The following LSAMP variants were observed in gnomAD, a reference collection of about 807,000 sequenced individuals.
LSAMP encodes the protein limbic system associated membrane protein.
Under a neutral mutation model 38.6 loss-of-function variants are expected in LSAMP, and 7 were observed. That is an observed-to-expected ratio of 0.18 (90% CI 0.10 to 0.34). LSAMP has a LOEUF of 0.34. Among genes scored for constraint, LSAMP ranks in the 10% least tolerant of loss-of-function variants. LSAMP has a pLI of 1.00. For missense variants in LSAMP, 313 were observed against 420.0 expected (o/e 0.75, Z 2.23); for synonymous variants, 154 against 166.8 (o/e 0.92, Z 0.59).
chr3:115,909,405 T>A (rs542751906), intron 3 of LSAMP, among the ~76,000 whole-genome samples: 1 of 152,224 alleles, frequency 6.6e-6, no homozygotes, highest in Admixed American at 6.5e-5. Flanking sequence ...GAGCTCCAAA[T>A]GAATGGCAAA....
At chr3:116,309,497 A>G (rs1276378693) in intron 1 of LSAMP, among the ~76,000 whole-genome samples, 1 of 152,098 alleles carries the variant, frequency 6.6e-6, no homozygotes, top group Non-Finnish European at 1.5e-5. Context: ...AAATAGCTAC[A>G]TTTGGCTAGT....
At position 115,999,410 on chromosome 3, in the gene LSAMP, G is replaced by C. The variant is rs190720456; in HGVS notation, c.514+20105C>G. 1.9e-4 allele frequency among the ~76,000 whole-genome samples: 29 copies of C among 152,200 alleles called. 1 individual carries two copies. The East Asian group carries it at 4.1e-3, about 21-fold the overall frequency. ...AATTCTCTTCTCCTCAAAACCTAAAGCACAAAATAGCTACTGTCCTTTCTG... is the reference window on the plus strand; with the variant it reads ...AATTCTCTTCTCCTCAAAACCTAAACCACAAAATAGCTACTGTCCTTTCTG... On this transcript the variant is annotated intron_variant, in intron 3 of 6. Coordinates refer to ENST00000490035, the MANE Select transcript of LSAMP (RefSeq NM_002338.5).
intron 1 of LSAMP, among the ~76,000 whole-genome samples, chr3:116,105,130 A>G (rs1183894235): frequency 6.6e-6 from 1 of 152,060 alleles, no homozygotes; most frequent in African/African-American, 2.4e-5. Flanking sequence ...GAAGGCATTC[A>G]TAGAACTCTT....
chr3:116,246,104 C>T lies in LSAMP; in HGVS notation c.156-159548G>A, dbSNP rs146915358. 1.7e-3 allele frequency among the ~76,000 whole-genome samples: 264 copies of T among 152,220 alleles called. 1 individual carries two copies. The highest frequency in any genetic ancestry group is 6.1e-3 in the African/African-American group (254 of 41,528). On this transcript the variant is annotated intron_variant, in intron 1 of 6. Transcript: ENST00000490035. Reference sequence around the variant, plus strand: ...CAAATAGGTCCGACCTGCTTAAAACCGCCAATTAATGAGTAGTAGAACCTT... The same window carrying T: ...CAAATAGGTCCGACCTGCTTAAAACTGCCAATTAATGAGTAGTAGAACCTT...
intron 3 of LSAMP, among the ~76,000 whole-genome samples, chr3:115,951,053 G>C (rs1938272894): frequency 6.6e-6 from 1 of 152,050 alleles, no homozygotes; most frequent in Non-Finnish European, 1.5e-5. Flanking sequence ...AAATGGTGCT[G>C]GTATAATTGG....
intron 2 of LSAMP, among the ~76,000 whole-genome samples, chr3:116,028,952 C>T (rs1019749209): frequency 6.6e-6 from 1 of 151,988 alleles, no homozygotes; most frequent in Non-Finnish European, 1.5e-5. Flanking sequence ...CACTTTATAT[C>T]TCCAATAAAA....
intron 1 of LSAMP, among the ~76,000 whole-genome samples, chr3:116,214,257 TATC>T (rs2046194735): frequency 6.6e-6 from 1 of 152,200 alleles, no homozygotes; most frequent in Non-Finnish European, 1.5e-5. Context: ...TAAAAAGGCT[TATC>T]ATTATTTCAG....
chr3:115,897,871 A>G (rs1936768148), intron 3 of LSAMP, among the ~76,000 whole-genome samples: 1 of 152,126 alleles, frequency 6.6e-6, no homozygotes, highest in Non-Finnish European at 1.5e-5. Flanking sequence ...TTAAATTGGG[A>G]GGGCAAATTT....
chr3:116,135,551 G>A (rs1008621643), intron 1 of LSAMP, among the ~76,000 whole-genome samples: 1 of 152,124 alleles, frequency 6.6e-6, no homozygotes, highest in Admixed American at 6.6e-5. Context: ...CACTAGACTA[G>A]GCCTCTGCTG....
At chr3:116,302,967 A>G (rs1032628105) in intron 1 of LSAMP, among the ~76,000 whole-genome samples, 1 of 152,218 alleles carries the variant, frequency 6.6e-6, no homozygotes, top group Non-Finnish European at 1.5e-5. Flanking sequence ...CAGAGAATCT[A>G]TAATTTTAAA....
intron 1 of LSAMP, among the ~76,000 whole-genome samples, chr3:116,388,587 T>C (rs2048654568): frequency 1.3e-5 from 2 of 152,194 alleles, no homozygotes; most frequent in African/African-American, 4.8e-5. Context: ...ACGCTGCATC[T>C]CTTTACTTCT....
chr3:116,048,827 G>A (rs1941340452), intron 2 of LSAMP, among the ~76,000 whole-genome samples: 1 of 152,082 alleles, frequency 6.6e-6, no homozygotes, highest in African/African-American at 2.4e-5. Context: ...CCAGTGTTCC[G>A]GTTTCAATCC....
intron 1 of LSAMP, among the ~76,000 whole-genome samples, chr3:116,150,381 T>C (rs576632903): frequency 3.9e-5 from 6 of 152,184 alleles, no homozygotes; most frequent in Middle Eastern, 3.4e-3. Context: ...CTAACACCTA[T>C]GCCTGTAGAT....
At chr3:115,835,613 A>G (rs1934756097) in intron 6 of LSAMP, among the ~76,000 whole-genome samples, 1 of 152,236 alleles carries the variant, frequency 6.6e-6, no homozygotes, top group Non-Finnish European at 1.5e-5. Context: ...ACAAAAATCA[A>G]AACCACAATG....
intron 3 of LSAMP, among the ~76,000 whole-genome samples, chr3:115,900,409 G>T (rs544140462): frequency 2.0e-5 from 3 of 151,682 alleles, no homozygotes; most frequent in South Asian, 2.1e-4. Flanking sequence ...CTAGCTACTT[G>T]GGGGGCTGAG....
intron 3 of LSAMP, among the ~76,000 whole-genome samples, chr3:115,916,439 T>C (rs534576815): frequency 6.6e-6 from 1 of 152,212 alleles, no homozygotes; most frequent in Non-Finnish European, 1.5e-5. Flanking sequence ...ATTTAACAGA[T>C]CTTAACTGTT....
At chr3:116,091,070 G>C (rs1232322953) in intron 1 of LSAMP, among the ~76,000 whole-genome samples, 9 of 152,132 alleles carry the variant, frequency 5.9e-5, no homozygotes, top group East Asian at 3.9e-4. Flanking sequence ...CTGCAATCTC[G>C]ACCATAAGAG....
At chr3:116,056,142 T>C (rs1941487163) in intron 2 of LSAMP, among the ~76,000 whole-genome samples, 1 of 152,208 alleles carries the variant, frequency 6.6e-6, no homozygotes, top group African/African-American at 2.4e-5. Context: ...TATTTATTTA[T>C]TTATTTACTT....
Position 115,810,304 on chromosome 3 carries a change from A to C in LSAMP, c.*13T>G, listed in dbSNP as rs777484563. On this transcript the variant is annotated 3_prime_UTR_variant, in exon 7 of 7. Coordinates refer to ENST00000490035, the MANE Select transcript of LSAMP (RefSeq NM_002338.5). ...TTGTGTGTTTTTTAAATTATTTTTA[A>C]ATTTTTATTCTATTAACATTTGCTG... is the stretch of plus-strand genomic sequence containing the variant. 3.7e-5 allele frequency: 57 copies of C among 1,558,052 alleles called. 1 individual carries two copies. The Middle Eastern group carries it at 9.4e-4, about 26-fold the overall frequency.
Sources: gnomAD v4.1 joint callset for allele counts (sites outside exome capture counted in the v4.1 genomes callset) on GRCh38, gnomAD v4.1.1 for gene constraint, MANE v1.5 for transcripts, NCBI Gene and HGNC (gene_info 2026-07-23, HGNC 2026-07-21) for gene names.